Variants in RHOQ observed in about 807,000 individuals in gnomAD.
The protein encoded by RHOQ is ras homolog family member Q.
In RHOQ, 7 loss-of-function variants were observed where a neutral mutation model predicts 25.8. The ratio of observed to expected loss-of-function variants is 0.27; its 90% CI spans 0.15 to 0.51. The LOEUF is 0.51. Among genes scored for constraint, RHOQ ranks in the 20% least tolerant of loss-of-function variants. RHOQ has a pLI of 0.97. For missense variants in RHOQ, 165 were observed against 260.6 expected, an observed-to-expected ratio of 0.63 and a Z score of 2.53; for synonymous variants, 97 against 98.6, an observed-to-expected ratio of 0.98 and a Z score of 0.10.
At position 46,549,894 on chromosome 2, in the gene RHOQ, C is replaced by T. The variant is rs796424216; in HGVS notation, c.201+6082C>T. Among the ~76,000 whole-genome samples, 3 of 152,128 alleles carry T rather than the reference C, an allele frequency of 2.0e-5. No individual in the cohort carries two copies. The East Asian group carries it at 5.8e-4, about 29-fold the overall frequency. On this transcript the variant is annotated intron_variant, in intron 2 of 4. Coordinates refer to ENST00000238738, the MANE Select transcript of RHOQ (RefSeq NM_012249.4). ...CCATGTTGCAGTGCTCAGCCCAGTG[C>T]CTGCTACCTTGTAGGCATGCAACAA...
chr2:46,572,107 G>GTCTTTTTTT (rs1553422127), intron 2 of RHOQ, among the ~76,000 whole-genome samples: 1 of 66,254 alleles, frequency 1.5e-5, no homozygotes, highest in African/African-American at 8.4e-5. Flanking sequence ...GTAAGTGTGT[G>GTCTTTTTTT]TTTTTTTTTT....
rs1553422662 is a variant in RHOQ at position 46,576,059 on chromosome 2, C to T, written c.202-28C>T. 3.8e-6 allele frequency: 6 copies of T among 1,564,152 alleles called. No homozygotes were observed. Among genetic ancestry groups the T allele is most frequent in the East Asian group, 2.3e-5 (1 of 44,178 alleles). ...CTAGTAAACAATAGAAATGTAAATA[C>T]ATAATGAGGCTTTTCTTTGTTCCTC... On this transcript the variant is annotated intron_variant, in intron 2 of 4. Transcript: ENST00000238738. This position sits in a 1 kb window ranked among gnomAD's most constrained non-coding sequence, Gnocchi z 5.1.
At position 46,543,770 on chromosome 2, in the gene RHOQ, G is replaced by A; in HGVS notation, c.159G>A (p.Gly53=). The change falls in exon 2 of 5, where the codon GGG becomes GGA. Residue 53 remains glycine, a synonymous_variant. Transcript: ENST00000238738. ...FDHYAVSVTV[G]GKQYLLGLYD... ...TCCTTGCAGTCAGCGTCACCGTGGG[G>A]GGCAAGCAGTACCTCCTAGGACTCT... 1 of 1,613,810 alleles carries A rather than the reference G, an allele frequency of 6.2e-7. No individual in the cohort carries two copies.
Position 46,577,522 on chromosome 2 carries a change from C to T in RHOQ, c.462+866C>T, listed in dbSNP as rs1385862105. ...TCATGCCATTCTCCTGCCTCAGCCTCCCAAGTAGCTGGGACTACAGGTGCC... is the reference window on the plus strand; with the variant it reads ...TCATGCCATTCTCCTGCCTCAGCCTTCCAAGTAGCTGGGACTACAGGTGCC... On this transcript the variant is annotated intron_variant, in intron 4 of 4. Coordinates refer to ENST00000238738, the MANE Select transcript of RHOQ (RefSeq NM_012249.4). Among the ~76,000 whole-genome samples the T allele has an allele frequency of 1.3e-5, 2 of 148,898 alleles. 1 individual carries two copies. Among genetic ancestry groups the T allele is most frequent in the African/African-American group, 5.0e-5 (2 of 40,394 alleles).
Position 46,556,613 on chromosome 2 carries a change from T to G in RHOQ, c.201+12801T>G, listed in dbSNP as rs1263996227. Among the ~76,000 whole-genome samples, 1 of 152,064 alleles carries G rather than the reference T, an allele frequency of 6.6e-6. No homozygotes were observed. The highest frequency in any genetic ancestry group is 1.5e-5 in the Non-Finnish European group (1 of 68,024). ...CTAATAGCTTTATTTATCAAACATA[T>G]AAATATCCATTAAACATAAGAGTGA... On this transcript the variant is annotated intron_variant, in intron 2 of 4. Transcript: ENST00000238738. This position sits in a 1 kb window ranked among gnomAD's most constrained non-coding sequence, Gnocchi z 4.9.
At chr2:46,543,712 C>T in intron 1 of RHOQ, 42 bp from the exon 2 acceptor site, 1 of 1,589,466 alleles carries the variant, frequency 6.3e-7, no homozygotes, top group African/African-American at 1.3e-5. Context: ...GAGCCCAGGT[C>T]ACTGTGAGCT....
intron 2 of RHOQ, among the ~76,000 whole-genome samples, chr2:46,551,870 C>G (rs1668251909): frequency 6.6e-6 from 1 of 152,166 alleles, no homozygotes; most frequent in Admixed American, 6.5e-5. Flanking sequence ...CTCACCTGCT[C>G]TGTGAGTAAA....
intron 2 of RHOQ, among the ~76,000 whole-genome samples, chr2:46,562,910 T>C (rs2104005541): frequency 6.6e-6 from 1 of 152,346 alleles, no homozygotes; most frequent in Admixed American, 6.5e-5. Flanking sequence ...TTTATTACTC[T>C]GCCCCAAATC....
In RHOQ at chr2:46,555,975, C is replaced by A. The variant is rs1240932401; in HGVS notation, c.201+12163C>A. Among the ~76,000 whole-genome samples, 2 of 152,132 alleles carry A rather than the reference C, an allele frequency of 1.3e-5. No individual in the cohort carries two copies. The highest frequency in any genetic ancestry group is 1.5e-5 in the Non-Finnish European group (1 of 68,016). On this transcript the variant is annotated intron_variant, in intron 2 of 4. Transcript: ENST00000238738. This position sits in a 1 kb window ranked among gnomAD's most constrained non-coding sequence, Gnocchi z 4.3. ...TTGATATGTAAGTTTCCTCCTCTTT[C>A]CTTTGTTTTATTTTTTGAGGCATAA...
In RHOQ at chr2:46,556,801, G is replaced by A. The variant is rs1265820317; in HGVS notation, c.201+12989G>A. On this transcript the variant is annotated intron_variant, in intron 2 of 4. Coordinates refer to ENST00000238738, the MANE Select transcript of RHOQ (RefSeq NM_012249.4). This position sits in a 1 kb window ranked among gnomAD's most constrained non-coding sequence, Gnocchi z 4.9. ...GTGTTAGAAAGGTGCCCAACTACCC[G>A]GCTGTTTGACCTGAGCTTCCCAGAT... Among the ~76,000 whole-genome samples, 1 of 152,058 alleles carries A rather than the reference G, an allele frequency of 6.6e-6. No individual in the cohort carries two copies. The highest frequency in any genetic ancestry group is 1.5e-5 in the Non-Finnish European group (1 of 68,014).
chr2:46,552,113 A>G lies in RHOQ; in HGVS notation c.201+8301A>G, dbSNP rs771610317. ...CATGTAAAAGGTACATTCCAAGCGT[A>G]TCGCTTTTCTAGCTAGAAGAGATGG... On this transcript the variant is annotated intron_variant, in intron 2 of 4. Coordinates refer to ENST00000238738, the MANE Select transcript of RHOQ (RefSeq NM_012249.4). The surrounding 1 kb of genome is among the most constrained non-coding windows in gnomAD (Gnocchi z 5.0). 6.6e-6 allele frequency among the ~76,000 whole-genome samples: 1 copy of G among 152,228 alleles called. No individual in the cohort carries two copies. The highest frequency in any genetic ancestry group is 1.5e-5 in the Non-Finnish European group (1 of 68,040).
intron 2 of RHOQ, chr2:46,572,805 C>T (rs1668977832): frequency 2.3e-6 from 1 of 444,114 alleles, no homozygotes; most frequent in African/African-American, 2.0e-5. Flanking sequence ...AGTTGCTCTA[C>T]ATTTGACTTC....
chr2:46,566,701 A>G lies in RHOQ; in HGVS notation c.202-9386A>G, dbSNP rs1204309394. Reference sequence around the variant, plus strand: ...AGGGGTCCAAGCTGACTCCCTCTCCAGCCCCACCTGTCACCTGGCCTTTCC... The same window carrying G: ...AGGGGTCCAAGCTGACTCCCTCTCCGGCCCCACCTGTCACCTGGCCTTTCC... On this transcript the variant is annotated intron_variant, in intron 2 of 4. Transcript: ENST00000238738. The surrounding 1 kb of genome is among the most constrained non-coding windows in gnomAD (Gnocchi z 4.2). Among the ~76,000 whole-genome samples the G allele has an allele frequency of 6.6e-6, 1 of 152,150 alleles. No homozygotes were observed. The highest frequency in any genetic ancestry group is 1.9e-4 in the East Asian group (1 of 5,188).
rs544292643 is a variant in RHOQ, at chr2:46,564,634, T to C, written c.202-11453T>C. 1.7e-3 allele frequency among the ~76,000 whole-genome samples: 259 copies of C among 152,370 alleles called. 2 individuals are homozygous for C. The highest frequency in any genetic ancestry group is 1.1e-3 in the Non-Finnish European group (78 of 68,030). On this transcript the variant is annotated intron_variant, in intron 2 of 4. Coordinates refer to ENST00000238738, the MANE Select transcript of RHOQ (RefSeq NM_012249.4). ...CTCTGTGCACTCTGGCTGCCTCATC[T>C]GGACATAGAGGAAGGCAGCACTGCA...
intron 2 of RHOQ, among the ~76,000 whole-genome samples, chr2:46,544,439 T>A (rs538972317): frequency 6.6e-6 from 1 of 152,146 alleles, no homozygotes; most frequent in Non-Finnish European, 1.5e-5. Context: ...GGAGGAGGGG[T>A]TCCCCCCGGC....
intron 2 of RHOQ, chr2:46,572,840 A>G: frequency 4.8e-6 from 2 of 415,750 alleles, no homozygotes; most frequent in South Asian, 3.4e-5. Context: ...TTTAAAATAT[A>G]TGGCTGAAGA....
chr2:46,579,782 T>C (rs1224457713), intron 4 of RHOQ, among the ~76,000 whole-genome samples: 1 of 151,518 alleles, frequency 6.6e-6, no homozygotes, highest in East Asian at 1.9e-4. Context: ...AAGGCAGAGG[T>C]TGTGATGAGC....
rs1265784964 is a variant in RHOQ at position 46,583,868 on chromosome 2, T to C, written c.*2785T>C. ...CATGTATGAATGAACTTACAAGATA[T>C]TTGAGTTAATCAGTGTTTGCATATA... On this transcript the variant is annotated 3_prime_UTR_variant, in exon 5 of 5. Coordinates refer to ENST00000238738, the MANE Select transcript of RHOQ (RefSeq NM_012249.4). Among the ~76,000 whole-genome samples the C allele has an allele frequency of 1.3e-5, 2 of 152,182 alleles. No homozygotes were observed. Among genetic ancestry groups the C allele is most frequent in the African/African-American group, 4.8e-5 (2 of 41,460 alleles).
At position 46,556,831 on chromosome 2, in the gene RHOQ, A is replaced by G. The variant is rs889667098; in HGVS notation, c.201+13019A>G. Among the ~76,000 whole-genome samples, 1 of 152,146 alleles carries G rather than the reference A, an allele frequency of 6.6e-6. No individual in the cohort carries two copies. Among genetic ancestry groups the G allele is most frequent in the African/African-American group, 2.4e-5 (1 of 41,404 alleles). On this transcript the variant is annotated intron_variant, in intron 2 of 4. Transcript: ENST00000238738. The surrounding 1 kb of genome is among the most constrained non-coding windows in gnomAD (Gnocchi z 4.9). The stretch of plus-strand genomic sequence containing the variant: ...TTTGACCTGAGCTTCCCAGATAGGC[A>G]AGGTTTCTGTGGGGCCGTTTAGATT...
Sources: gnomAD v4.1 joint callset for allele counts (sites outside exome capture counted in the v4.1 genomes callset) on GRCh38, gnomAD v4.1.1 for gene constraint, Gnocchi (gnomAD v3.1) non-coding constraint, MANE v1.5 for transcripts, NCBI Gene and HGNC (gene_info 2026-07-23, HGNC 2026-07-21) for gene names.